Variants in SMAD4 observed in about 807,000 individuals in gnomAD.
SMAD4 encodes the protein MAD homolog 4.
A neutral mutation model predicts 63.2 loss-of-function variants in SMAD4; 7 were observed. That is an observed-to-expected ratio of 0.11 (90% CI 0.06 to 0.21). SMAD4 has a LOEUF of 0.21. SMAD4 is among the 10% of genes least tolerant of loss of function. The pLI is 1.00. For synonymous variants in SMAD4, 215 were observed against 235.4 expected (o/e 0.91, Z 0.79); for missense variants, 312 against 693.8 (o/e 0.45, Z 6.18).
intron 10 of SMAD4, among the ~76,000 whole-genome samples, chr18:51,075,261 A>G (rs1181320079): frequency 1.3e-5 from 2 of 152,222 alleles, no homozygotes; most frequent in Non-Finnish European, 2.9e-5. Flanking sequence ...CCATGGTTGA[A>G]GATGATCAGA....
intron 1 of SMAD4, among the ~76,000 whole-genome samples, chr18:51,037,288 A>ACAG (rs1568200253): frequency 6.6e-6 from 1 of 152,248 alleles, no homozygotes; most frequent in East Asian, 1.9e-4. Context: ...AGTATGGTCC[A>ACAG]CAGACTCCTG....
In SMAD4 at chr18:51,083,552, T is replaced by G. The variant is rs2144488937; in HGVS notation, c.*5085T>G. 4.4e-6 allele frequency: 1 copy of G among 228,464 alleles called. No homozygotes were observed. The highest frequency in any genetic ancestry group is 6.3e-5 in the East Asian group (1 of 16,000). The allele number at this position is 228,464 out of a possible 1,614,324, so 14.2% of individuals were successfully genotyped here. A position where few individuals can be genotyped will look rare whatever the true frequency, so the allele number is the denominator to read the frequency against. ...TTGATGTGGATACTTTTCACACCGT[T>G]TATTTAAATGCTTTCTCAATAGGTC... On this transcript the variant is annotated 3_prime_UTR_variant, in exon 12 of 12. Transcript: ENST00000342988.
chr18:51,050,804 G>A (rs1038458931), intron 4 of SMAD4, among the ~76,000 whole-genome samples: 1 of 152,058 alleles, frequency 6.6e-6, no homozygotes, highest in African/African-American at 2.4e-5. Flanking sequence ...CAAAATTTAG[G>A]AAGAGTATGC....
intron 1 of SMAD4, among the ~76,000 whole-genome samples, chr18:51,031,144 T>TG: frequency 6.6e-6 from 1 of 152,332 alleles, no homozygotes; most frequent in African/African-American, 2.4e-5. Flanking sequence ...GACAGCGGTA[T>TG]GCAGGACACA....
chr18:51,039,445 T>G (rs1051984266), intron 1 of SMAD4, among the ~76,000 whole-genome samples: 1 of 152,012 alleles, frequency 6.6e-6, no homozygotes, highest in South Asian at 2.1e-4. Flanking sequence ...GCAGGCTAAC[T>G]ATCCCCAGCT....
At chr18:51,033,436 C>T (rs1309055447) in intron 1 of SMAD4, among the ~76,000 whole-genome samples, 4 of 152,308 alleles carry the variant, frequency 2.6e-5, no homozygotes, top group African/African-American at 4.8e-5. Flanking sequence ...GTGATCCGCC[C>T]GCCTTGGCCT....
chr18:51,074,858 C>T (rs978865238), intron 10 of SMAD4, among the ~76,000 whole-genome samples: 3 of 152,048 alleles, frequency 2.0e-5, no homozygotes, highest in African/African-American at 7.2e-5. Flanking sequence ...TTTCTGATTT[C>T]TAGAACCTGA....
At chr18:51,053,809 TTGAC>T (rs1029115531) in intron 4 of SMAD4, 2 of 152,192 alleles carry the variant, frequency 1.3e-5, no homozygotes, top group African/African-American at 2.4e-5. Flanking sequence ...GGTCTACTAA[TTGAC>T]TGCTTTAAGA....
chr18:51,071,320 A>G (rs1432310593), intron 10 of SMAD4, among the ~76,000 whole-genome samples: 2 of 152,114 alleles, frequency 1.3e-5, no homozygotes, highest in South Asian at 2.1e-4. Context: ...AATTAAAATG[A>G]GGAAAACACA....
At chr18:51,041,295 T>A (rs1909373279) in intron 1 of SMAD4, among the ~76,000 whole-genome samples, 1 of 152,166 alleles carries the variant, frequency 6.6e-6, no homozygotes, top group Non-Finnish European at 1.5e-5. Flanking sequence ...CCTGGCAAAT[T>A]CTTATTCGTA....
At chr18:51,052,704 C>T in intron 4 of SMAD4, 1 of 223,414 alleles carries the variant, frequency 4.5e-6, no homozygotes, top group South Asian at 4.9e-5. Context: ...CCCACCCCTG[C>T]CCCCATTCCC....
intron 1 of SMAD4, among the ~76,000 whole-genome samples, chr18:51,041,879 A>G (rs770756727): frequency 7.9e-5 from 12 of 152,208 alleles, no homozygotes; most frequent in South Asian, 2.1e-4. Context: ...TGCAGCATAG[A>G]CTAGCCAATC....
intron 1 of SMAD4, among the ~76,000 whole-genome samples, chr18:51,040,026 CG>C (rs541751617): frequency 6.6e-6 from 1 of 152,134 alleles, no homozygotes; most frequent in Non-Finnish European, 1.5e-5. Flanking sequence ...TTGCACTAAC[CG>C]TGAACACCTT....
intron 8 of SMAD4, among the ~76,000 whole-genome samples, chr18:51,060,810 T>C (rs1909990717): frequency 1.3e-5 from 2 of 152,112 alleles, no homozygotes; most frequent in Admixed American, 1.3e-4. Context: ...ATGTTTGTAT[T>C]TTAGTAGATA....
At position 51,058,404 on chromosome 18, in the gene SMAD4, A is replaced by G. The variant is rs144378484; in HGVS notation, c.852A>G (p.Gln284=). Residue 284 remains glutamine, a synonymous_variant, in exon 7 of 12, where the codon CAA becomes CAG. Coordinates refer to ENST00000342988, the MANE Select transcript of SMAD4 (RefSeq NM_005359.6). The part of the protein sequence containing the change: ...APYTPNLPHH[Q]NGHLQHHPPM... ...ACACACCTAATTTGCCTCACCACCA[A>G]AACGGCCATCTTCAGCACCACCCGC... The G allele has an allele frequency of 6.4e-5, 103 of 1,613,800 alleles. No individual in the cohort carries two copies. Among genetic ancestry groups the G allele is most frequent in the Non-Finnish European group, 8.2e-5 (97 of 1,179,986 alleles).
Position 51,067,400 on chromosome 18 carries a change from T to TTTTA in SMAD4, c.1308+237_1308+240dup, listed in dbSNP as rs543826723. 7.9e-3 allele frequency among the ~76,000 whole-genome samples: 1,198 copies of TTTTA among 151,976 alleles called. 12 individuals carry two copies. Among genetic ancestry groups the TTTTA allele is most frequent in the African/African-American group, 0.025 (1,048 of 41,438 alleles). On this transcript the variant is annotated intron_variant, in intron 10 of 11. Coordinates refer to ENST00000342988, the MANE Select transcript of SMAD4 (RefSeq NM_005359.6). The stretch of plus-strand genomic sequence containing the variant: ...CCAATTTGTTACATTTTGTTTTTTA[T>TTTTA]TTTATTTATTTATTTATTTATTTAT...
intron 1 of SMAD4, among the ~76,000 whole-genome samples, chr18:51,037,484 T>C (rs1279313079): frequency 6.6e-6 from 1 of 152,226 alleles, no homozygotes; most frequent in African/African-American, 2.4e-5. Context: ...TGAGTCCTCA[T>C]TGTGTTCTTT....
chr18:51,050,490 T>C (rs1452086982), intron 4 of SMAD4, among the ~76,000 whole-genome samples: 2 of 151,704 alleles, frequency 1.3e-5, no homozygotes, highest in Non-Finnish European at 2.9e-5. Context: ...AAACCCCGTC[T>C]CTACTAAAAA....
rs939612648 is a variant in SMAD4 at position 51,047,165 on chromosome 18, T to C, written c.119T>C (p.Ile40Thr). 6.2e-7 allele frequency: 1 copy of C among 1,613,934 alleles called. No individual in the cohort carries two copies. The highest frequency in any genetic ancestry group is 1.3e-5 in the African/African-American group (1 of 74,894). The change falls in exon 2 of 12, where the codon ATT becomes ACT. Residue 40 changes from isoleucine (I) to threonine (T), a missense_variant. Coordinates refer to ENST00000342988, the MANE Select transcript of SMAD4 (RefSeq NM_005359.6). ...GESETFAKRAIESLVKKLKEK... is the reference protein window; with the variant it reads ...GESETFAKRATESLVKKLKEK... ...AGTGAAACATTTGCAAAAAGAGCAA[T>C]TGAAAGTTTGGTAAAGAAGCTGAAG...
Sources: allele counts gnomAD v4.1 joint callset (sites outside exome capture counted in the v4.1 genomes callset), GRCh38; gene constraint gnomAD v4.1.1; transcripts MANE v1.5; gene names NCBI Gene and HGNC (gene_info 2026-07-23, HGNC 2026-07-21).